Variants in PCDHGA4 observed in about 807,000 individuals in gnomAD.
The protein encoded by PCDHGA4 is protocadherin gamma-A4.
In PCDHGA4, 38 loss-of-function variants were observed where a neutral mutation model predicts 54.6. The ratio of observed to expected loss-of-function variants is 0.70; its 90% confidence interval spans 0.54 to 0.91. PCDHGA4 has a LOEUF of 0.91. Ranked by LOEUF, PCDHGA4 falls within the 40% of genes least tolerant of loss-of-function variation. The probability of loss-of-function intolerance (pLI) is 0.00; values close to 1 mark genes in which losing one functional copy is unlikely to be tolerated. For missense variants in PCDHGA4, 1,298 were observed against 1,220.9 expected, an observed-to-expected ratio of 1.06 and a Z score of -0.94; for synonymous variants, 511 against 512.9, an observed-to-expected ratio of 1.00 and a Z score of 0.05.
At position 141,486,141 on chromosome 5, in the gene PCDHGA4, G is replaced by A. The variant is rs369317501; in HGVS notation, c.2515-8666G>A. 28 of 1,614,066 alleles carry A rather than the reference G, an allele frequency of 1.7e-5. No homozygotes were observed. The highest frequency in any genetic ancestry group is 2.3e-5 in the Non-Finnish European group (27 of 1,180,044). On this transcript the variant is annotated intron_variant, in intron 1 of 3. Transcript: ENST00000571252. This position sits in a 1 kb window ranked among gnomAD's most constrained non-coding sequence, Gnocchi z 5.0. ...TACTATGAATTTGATGTGCGGGCTC[G>A]CGATGGGGGTTCTCCAGCCATGGAG...
Position 141,355,819 on chromosome 5 carries a change from G to A in PCDHGA4, c.712G>A (p.Val238Ile), listed in dbSNP as rs757822946. ...CGCTCTAGATCGCGAGGAAGAGGCG[G>A]TTCACCACCTCGTTCTCACGGCCTT... Reference protein sequence around the residue: ...ERALDREEEAVHHLVLTAFDG... With the variant: ...ERALDREEEAIHHLVLTAFDG... The change falls in exon 1 of 4, where the codon GTT becomes ATT. Residue 238 changes from valine (V) to isoleucine (I), a missense_variant. Transcript: ENST00000571252. The A allele has an allele frequency of 1.2e-6, 2 of 1,613,058 alleles. No individual in the cohort carries two copies. Among genetic ancestry groups the A allele is most frequent in the Middle Eastern group, 1.6e-4 (1 of 6,062 alleles).
chr5:141,511,400 T>A lies in PCDHGA4; in HGVS notation c.*227T>A, dbSNP rs1208021848. On this transcript the variant is annotated 3_prime_UTR_variant, in exon 4 of 4. Coordinates refer to ENST00000571252, the MANE Select transcript of PCDHGA4 (RefSeq NM_018917.4). ...AGTTCCGCTGGGAACCCCCATCCAA[T>A]CAACTGCTGTACCCATGGGGGTAGT... 1.1e-5 allele frequency: 11 copies of A among 982,132 alleles called. No individual in the cohort carries two copies. Among genetic ancestry groups the A allele is most frequent in the African/African-American group, 3.3e-5 (2 of 60,924 alleles). 60.8% of individuals were successfully genotyped at this position (982,132 alleles called of 1,614,324 possible).
In PCDHGA4 at chr5:141,356,903, C is replaced by T; in HGVS notation, c.1796C>T (p.Pro599Leu). The change falls in exon 1 of 4, where the codon CCT (proline) becomes CTT (leucine). Residue 599 changes from proline to leucine, a missense_variant. Physicochemically the swap from Pro to Leu is moderately conservative, Grantham distance 98. Coordinates refer to ENST00000571252, the MANE Select transcript of PCDHGA4 (RefSeq NM_018917.4). ...NVPEILYPTF[P>L]TDGSTGVELA... is the part of the protein sequence containing the mutation. Reference sequence around the variant, plus strand: ...CCTGAGATCCTGTACCCCACCTTCCCTACTGATGGCTCCACTGGTGTGGAG... The same window carrying T: ...CCTGAGATCCTGTACCCCACCTTCCTTACTGATGGCTCCACTGGTGTGGAG... 1 of 1,614,244 alleles carries T rather than the reference C, an allele frequency of 6.2e-7. No individual in the cohort carries two copies. The highest frequency in any genetic ancestry group is 8.5e-7 in the Non-Finnish European group (1 of 1,180,048).
chr5:141,478,635 A>T, intron 1 of PCDHGA4: 1 of 1,552,830 alleles, frequency 6.4e-7, no homozygotes, highest in Non-Finnish European at 8.7e-7. Context: ...TTTTTTAGTG[A>T]TGAAGATGTT....
chr5:141,389,789 C>A (rs1437335316), intron 1 of PCDHGA4: 4 of 1,613,328 alleles, frequency 2.5e-6, no homozygotes, highest in African/African-American at 2.7e-5. Flanking sequence ...ACAGGGACGC[C>A]GTCCGCCAGC....
chr5:141,404,225 A>G, intron 1 of PCDHGA4: 6 of 1,613,828 alleles, frequency 3.7e-6, no homozygotes, highest in Non-Finnish European at 5.1e-6. Context: ...GGTGACTGCA[A>G]CAGACAGAGG....
Position 141,409,958 on chromosome 5 carries a change from T to C in PCDHGA4, c.2514+52337T>C. ...GGTACCTCGCTCTGCAGAGCCCGGC[T>C]ACCTAGTGACTAAGGTGGTAGCGGT... On this transcript the variant is annotated intron_variant, in intron 1 of 3. Transcript: ENST00000571252. 6.2e-7 allele frequency: 1 copy of C among 1,613,394 alleles called. No individual in the cohort carries two copies.
chr5:141,361,294 T>C, intron 1 of PCDHGA4: 1 of 1,613,920 alleles, frequency 6.2e-7, no homozygotes, highest in South Asian at 1.1e-5. Context: ...CTGCCAAGTG[T>C]TGGGAAATGC....
chr5:141,405,010 CT>C (rs2094596164), intron 1 of PCDHGA4: 3 of 1,614,014 alleles, frequency 1.9e-6, no homozygotes, highest in Non-Finnish European at 2.5e-6. Context: ...ACCTGGAGGC[CT>C]CAGACCTTAC....
chr5:141,463,532 T>C (rs1237301892), intron 1 of PCDHGA4, among the ~76,000 whole-genome samples: 2 of 133,692 alleles, frequency 1.5e-5, no homozygotes, highest in Non-Finnish European at 3.1e-5. Flanking sequence ...TACTAGAAAC[T>C]CCGGCTCCCG....
intron 1 of PCDHGA4, chr5:141,419,244 C>T (rs2096349736): frequency 1.2e-6 from 2 of 1,614,008 alleles, no homozygotes; most frequent in Non-Finnish European, 1.7e-6. Context: ...GTCCACGTGC[C>T]AGAAAACAAC....
chr5:141,368,244 T>G (rs1016552199), intron 1 of PCDHGA4, among the ~76,000 whole-genome samples: 4 of 152,156 alleles, frequency 2.6e-5, no homozygotes, highest in Non-Finnish European at 5.9e-5. Flanking sequence ...CTCAACCACA[T>G]GAAAGGTTAA....
At chr5:141,422,705 C>A in intron 1 of PCDHGA4, 1 of 1,602,702 alleles carries the variant, frequency 6.2e-7, no homozygotes, top group East Asian at 2.2e-5. Flanking sequence ...TACTCTCTGA[C>A]GGATGACACT....
rs1385557537 is a variant in PCDHGA4 at position 141,415,739 on chromosome 5, GGTT to G, written c.2514+58119_2514+58121del. 2.0e-4 allele frequency: 88 copies of G among 435,112 alleles called. 2 individuals are homozygous for G. In the African/African-American group the frequency reaches 2.4e-3, roughly 12 times the overall value. 27.0% of individuals were successfully genotyped at this position (435,112 alleles called of 1,614,324 possible). A position where few individuals can be genotyped will look rare whatever the true frequency, so the allele number is the denominator to read the frequency against. On this transcript the variant is annotated intron_variant, in intron 1 of 3. Coordinates refer to ENST00000571252, the MANE Select transcript of PCDHGA4 (RefSeq NM_018917.4). ...ATGAGTAGAATTTGATGTTTATTAA[GGTT>G]TTTTTTTTTTTTTTTTTTTTTTTTT...
Position 141,398,941 on chromosome 5 carries a change from G to A in PCDHGA4, c.2514+41320G>A. 4.3e-6 allele frequency: 7 copies of A among 1,613,890 alleles called. No homozygotes were observed. The highest frequency in any genetic ancestry group is 5.9e-6 in the Non-Finnish European group (7 of 1,179,892). ...AGTGTCAGCCACTGACCAAGACGAG[G>A]GCATCAACTCAGAAATTACTTATTC... is the stretch of plus-strand genomic sequence containing the variant. On this transcript the variant is annotated intron_variant, in intron 1 of 3. Transcript: ENST00000571252.
At position 141,356,017 on chromosome 5, in the gene PCDHGA4, GC is replaced by G; in HGVS notation, c.912del (p.Asn305MetfsTer4). 6.2e-7 allele frequency: 1 copy of G among 1,613,934 alleles called. No homozygotes were observed. The highest frequency in any genetic ancestry group is 8.5e-7 in the Non-Finnish European group (1 of 1,179,888). On this transcript the variant is annotated frameshift_variant, in exon 1 of 4. Transcript: ENST00000571252. LOFTEE classifies it high-confidence loss of function. The part of the protein sequence containing the change: ...TVKATDPDEG[A>X]NGDVTYSFRK... ...AAAAGCCACTGATCCAGATGAAGGA[GC>G]CAATGGAGACGTGACGTATTCTTTC...
intron 1 of PCDHGA4, chr5:141,383,907 A>G: frequency 6.2e-7 from 1 of 1,613,958 alleles, no homozygotes; most frequent in Non-Finnish European, 8.5e-7. Flanking sequence ...TACTGATCAC[A>G]GTTTTAGATG....
chr5:141,409,173 G>T (rs1235074997), intron 1 of PCDHGA4: 3 of 1,614,028 alleles, frequency 1.9e-6, no homozygotes. Flanking sequence ...GCGAAGGACG[G>T]AGGTGGTCTC....
chr5:141,383,899 C>G (rs560928380), intron 1 of PCDHGA4: 10 of 1,613,958 alleles, frequency 6.2e-6, no homozygotes, highest in South Asian at 1.1e-5. Context: ...GGCAAAAGTA[C>G]TGATCACAGT....
Sources: allele counts gnomAD v4.1 joint callset (sites outside exome capture counted in the v4.1 genomes callset), GRCh38; gene constraint gnomAD v4.1.1; non-coding constraint Gnocchi (gnomAD v3.1); transcripts MANE v1.5; gene names NCBI Gene and HGNC (gene_info 2026-07-23, HGNC 2026-07-21).